PCDHGB6: variants seen among roughly 807,000 people sequenced by gnomAD.
PCDHGB6 encodes protocadherin gamma subfamily B, 6.
PCDHGB6 carries 51 observed loss-of-function variants against 59.1 expected under a neutral mutation model. The observed-to-expected ratio is 0.86, with a 90% CI of 0.69 to 1.09. The LOEUF is 1.09. Among genes scored for constraint, PCDHGB6 ranks in the 50% least tolerant of loss-of-function variants. The pLI is 0.00. For missense variants in PCDHGB6, 1,148 were observed against 1,205.1 expected, an observed-to-expected ratio of 0.95 and a Z score of 0.70; for synonymous variants, 466 against 495.1, an observed-to-expected ratio of 0.94 and a Z score of 0.78.
At position 141,491,303 on chromosome 5, in the gene PCDHGB6, C is replaced by T; in HGVS notation, c.2419-3504C>T. On this transcript the variant is annotated intron_variant, in intron 1 of 3. Coordinates refer to ENST00000520790, the MANE Select transcript of PCDHGB6 (RefSeq NM_018926.3). This position sits in a 1 kb window ranked among gnomAD's most constrained non-coding sequence, Gnocchi z 6.9. ...TTCCTCATACACCCTCCTGAGCGTT[C>T]AGACCTTACCCTTTACCTCATTGTG... 6.2e-7 allele frequency: 1 copy of T among 1,614,132 alleles called. No homozygotes were observed. The highest frequency in any genetic ancestry group is 8.5e-7 in the Non-Finnish European group (1 of 1,179,962).
intron 1 of PCDHGB6, among the ~76,000 whole-genome samples, chr5:141,481,692 G>T (rs1231630072): frequency 6.6e-6 from 1 of 152,020 alleles, no homozygotes; most frequent in African/African-American, 2.4e-5. Context: ...GGTGGCTCAC[G>T]CCTGTAATCC....
At position 141,408,432 on chromosome 5, in the gene PCDHGB6, T is replaced by C. The variant is rs370073451; in HGVS notation, c.230T>C (p.Val77Ala). The C allele has an allele frequency of 3.1e-6, 5 of 1,613,972 alleles. No individual in the cohort carries two copies. Among genetic ancestry groups the C allele is most frequent in the Non-Finnish European group, 4.2e-6 (5 of 1,179,908 alleles). Residue 77 changes from valine (V) to alanine (A), a missense_variant, in exon 1 of 4, where the codon GTA (valine) becomes GCA (alanine). By Grantham distance (64) the Val-to-Ala change is moderately conservative. Transcript: ENST00000520790. ...RVSAEKLHFS[V>A]DAESGDLLVK... ...AGCGCGGAGAAGCTGCACTTCAGCG[T>C]AGACGCGGAGAGCGGGGACTTACTT...
chr5:141,445,786 C>A (rs1189294394), intron 1 of PCDHGB6, among the ~76,000 whole-genome samples: 2 of 152,018 alleles, frequency 1.3e-5, no homozygotes, highest in Non-Finnish European at 2.9e-5. Flanking sequence ...GCTAGGGAGG[C>A]TAGAAACAGA....
chr5:141,423,877 C>A, intron 1 of PCDHGB6: 1 of 1,283,890 alleles, frequency 7.8e-7, no homozygotes, highest in Non-Finnish European at 9.9e-7. Flanking sequence ...ATTTTTCAAT[C>A]TTGGCATATT....
Position 141,486,595 on chromosome 5 carries a change from T to G in PCDHGB6, c.2419-8212T>G. ...AGAACAATCGCCCAGGGGACCTGCTTTGCTCCCTTGCAGCCTCTGACCCAG... is the reference window on the plus strand; with the variant it reads ...AGAACAATCGCCCAGGGGACCTGCTGTGCTCCCTTGCAGCCTCTGACCCAG... On this transcript the variant is annotated intron_variant, in intron 1 of 3. Coordinates refer to ENST00000520790, the MANE Select transcript of PCDHGB6 (RefSeq NM_018926.3). This position sits in a 1 kb window ranked among gnomAD's most constrained non-coding sequence, Gnocchi z 5.0. The G allele has an allele frequency of 6.2e-7, 1 of 1,613,614 alleles. No homozygotes were observed. Among genetic ancestry groups the G allele is most frequent in the Non-Finnish European group, 8.5e-7 (1 of 1,180,016 alleles).
intron 1 of PCDHGB6, among the ~76,000 whole-genome samples, chr5:141,468,914 G>A (rs563780068): frequency 2.6e-5 from 4 of 151,700 alleles, no homozygotes; most frequent in Admixed American, 2.6e-4. Context: ...CAGACTAGAA[G>A]AGAATAGCAC....
chr5:141,414,227 T>C (rs771676386), intron 1 of PCDHGB6: 2 of 1,613,430 alleles, frequency 1.2e-6, no homozygotes, highest in Non-Finnish European at 1.7e-6. Flanking sequence ...AGTCCAGAGC[T>C]GACCATCACG....
chr5:141,408,125 C>T lies in PCDHGB6; in HGVS notation c.-78C>T. The T allele has an allele frequency of 6.8e-7, 1 of 1,478,650 alleles. No individual in the cohort carries two copies. The highest frequency in any genetic ancestry group is 1.4e-5 in the South Asian group (1 of 72,180). The allele number at this position is 1,478,650 out of a possible 1,614,324, so 91.6% of individuals were successfully genotyped here. On this transcript the variant is annotated 5_prime_UTR_variant, in exon 1 of 4. Transcript: ENST00000520790. ...GACCCGGGACTCCTCCTGTCCTGGG[C>T]CGAATGCTCTTTTAGCGCGGTAGAG...
chr5:141,500,340 C>T (rs188966393), intron 2 of PCDHGB6, among the ~76,000 whole-genome samples: 1 of 151,950 alleles, frequency 6.6e-6, no homozygotes, highest in East Asian at 1.9e-4. Flanking sequence ...TCCAGAATAG[C>T]TGGGACTACA....
At chr5:141,418,917 C>T in intron 1 of PCDHGB6, 1 of 1,613,988 alleles carries the variant, frequency 6.2e-7, no homozygotes, top group Non-Finnish European at 8.5e-7. Context: ...ACGTCACTCT[C>T]TGATCAGATT....
chr5:141,477,779 A>C lies in PCDHGB6; in HGVS notation c.2419-17028A>C. ...CCTAGCCACCAACATCAGCGTGAAC[A>C]TATTTGTCACTGATCGCAATGACAA... is the stretch of plus-strand genomic sequence containing the variant. On this transcript the variant is annotated intron_variant, in intron 1 of 3. Transcript: ENST00000520790. The surrounding 1 kb of genome is among the most constrained non-coding windows in gnomAD (Gnocchi z 4.9). 1.2e-6 allele frequency: 2 copies of C among 1,614,012 alleles called. No individual in the cohort carries two copies. Among genetic ancestry groups the C allele is most frequent in the Non-Finnish European group, 1.7e-6 (2 of 1,180,020 alleles).
At position 141,477,197 on chromosome 5, in the gene PCDHGB6, G is replaced by A. The variant is rs781504885; in HGVS notation, c.2419-17610G>A. ...CACAGTCACCTCCGTGTACAGCCCA[G>A]TACCCGAGGATGCCCCTCTGGGGAC... On this transcript the variant is annotated intron_variant, in intron 1 of 3. Coordinates refer to ENST00000520790, the MANE Select transcript of PCDHGB6 (RefSeq NM_018926.3). The surrounding 1 kb of genome is among the most constrained non-coding windows in gnomAD (Gnocchi z 4.9). 1 of 1,614,210 alleles carries A rather than the reference G, an allele frequency of 6.2e-7. No homozygotes were observed. Among genetic ancestry groups the A allele is most frequent in the East Asian group, 2.2e-5 (1 of 44,874 alleles).
chr5:141,408,598 A>G lies in PCDHGB6; in HGVS notation c.396A>G (p.Gln132=), dbSNP rs1391583761. The change falls in exon 1 of 4, where the codon CAA becomes CAG. Residue 132 remains glutamine (Q), a synonymous_variant. Transcript: ENST00000520790. ...VIEDVNDHAP[Q]FDKKEIHLEI... is the part of the protein sequence containing the mutation. Reference sequence around the variant, plus strand: ...AGGATGTTAATGACCACGCCCCTCAATTTGATAAAAAGGAAATACATTTAG... The same window carrying G: ...AGGATGTTAATGACCACGCCCCTCAGTTTGATAAAAAGGAAATACATTTAG... 6.2e-7 allele frequency: 1 copy of G among 1,614,070 alleles called. No homozygotes were observed. Among genetic ancestry groups the G allele is most frequent in the Admixed American group, 1.7e-5 (1 of 60,032 alleles).
intron 1 of PCDHGB6, among the ~76,000 whole-genome samples, chr5:141,464,426 GAT>G (rs1287556960): frequency 6.6e-6 from 1 of 151,096 alleles, no homozygotes; most frequent in African/African-American, 2.4e-5. Context: ...TATATATATA[GAT>G]ATATATGTTT....
At chr5:141,464,759 ACAGG>A (rs2099090169) in intron 1 of PCDHGB6, among the ~76,000 whole-genome samples, 1 of 152,158 alleles carries the variant, frequency 6.6e-6, no homozygotes, top group Non-Finnish European at 1.5e-5. Context: ...TTTTTTAGAG[ACAGG>A]AATCTTGTTC....
Position 141,490,920 on chromosome 5 carries a change from T to A in PCDHGB6, c.2419-3887T>A. 1.2e-6 allele frequency: 2 copies of A among 1,613,638 alleles called. No homozygotes were observed. The highest frequency in any genetic ancestry group is 1.7e-6 in the Non-Finnish European group (2 of 1,179,684). The stretch of plus-strand genomic sequence containing the variant: ...TGTTTGTCCTAGACGAGAATGATAA[T>A]GCCCCAGCTGTGCTGCACCCACGGC... On this transcript the variant is annotated intron_variant, in intron 1 of 3. Coordinates refer to ENST00000520790, the MANE Select transcript of PCDHGB6 (RefSeq NM_018926.3). This position sits in a 1 kb window ranked among gnomAD's most constrained non-coding sequence, Gnocchi z 5.4.
intron 1 of PCDHGB6, chr5:141,415,483 A>G: frequency 6.2e-7 from 1 of 1,614,212 alleles, no homozygotes; most frequent in South Asian, 1.1e-5. Context: ...CTCGCGAAAG[A>G]GTCACCTGAT....
In PCDHGB6 at chr5:141,511,618, T is replaced by C. The variant is rs1227028784; in HGVS notation, c.*445T>C. 4.3e-6 allele frequency: 1 copy of C among 232,232 alleles called. No homozygotes were observed. Among genetic ancestry groups the C allele is most frequent in the East Asian group, 9.9e-5 (1 of 10,122 alleles). 14.4% of individuals were successfully genotyped at this position (232,232 alleles called of 1,614,324 possible). A position where few individuals can be genotyped will look rare whatever the true frequency, so the allele number is the denominator to read the frequency against. ...AAGTAACCTACAAGCCTCCTAGTTCTGAAAAGTTGGAAGGGCATCATGACC... is the reference window on the plus strand; with the variant it reads ...AAGTAACCTACAAGCCTCCTAGTTCCGAAAAGTTGGAAGGGCATCATGACC... On this transcript the variant is annotated 3_prime_UTR_variant, in exon 4 of 4. Transcript: ENST00000520790.
chr5:141,430,723 A>C lies in PCDHGB6; in HGVS notation c.2418+20103A>C, dbSNP rs554822923. ...GAACTGCTCCTGACTTCAGTGGTTAAGGGCAGAATTGAAAATAATTCTGGA... is the reference window on the plus strand; with the variant it reads ...GAACTGCTCCTGACTTCAGTGGTTACGGGCAGAATTGAAAATAATTCTGGA... On this transcript the variant is annotated intron_variant, in intron 1 of 3. Transcript: ENST00000520790. 58 of 1,493,590 alleles carry C rather than the reference A, an allele frequency of 3.9e-5. No homozygotes were observed. The African/African-American group carries it at 7.7e-4, about 20-fold the overall frequency. The allele number at this position is 1,493,590 out of a possible 1,614,324, so 92.5% of individuals were successfully genotyped here. A position where few individuals can be genotyped will look rare whatever the true frequency, so the allele number is the denominator to read the frequency against.
Sources: gnomAD v4.1 joint callset for allele counts (sites outside exome capture counted in the v4.1 genomes callset) on GRCh38, gnomAD v4.1.1 for gene constraint, Gnocchi (gnomAD v3.1) non-coding constraint, MANE v1.5 for transcripts, NCBI Gene and HGNC (gene_info 2026-07-23, HGNC 2026-07-21) for gene names.